METTL16: variants seen among roughly 807,000 people sequenced by gnomAD.
METTL16 encodes RNA N(6)-adenosine-methyltransferase METTL16.
In METTL16, 19 loss-of-function variants were observed where a neutral mutation model predicts 57.9. The observed-to-expected ratio is 0.33, with a 90% confidence interval of 0.23 to 0.48. METTL16 has a LOEUF of 0.48. Ranked by LOEUF, METTL16 falls within the 20% of genes least tolerant of loss-of-function variation. The pLI is 0.99. For missense variants in METTL16, 434 were observed against 691.5 expected (o/e 0.63, Z 4.18); for synonymous variants, 246 against 255.6 (o/e 0.96, Z 0.36).
At chr17:2,448,799 ATT>A (rs1555617300) in intron 6 of METTL16, among the ~76,000 whole-genome samples, 9,176 of 77,004 alleles carry the variant, frequency 0.12, 1,559 homozygotes, top group African/African-American at 0.43. Flanking sequence ...TAAAAATAAA[ATT>A]TAAAAAAAAA....
At chr17:2,445,055 T>C (rs1200309196) in intron 6 of METTL16, among the ~76,000 whole-genome samples, 1 of 152,142 alleles carries the variant, frequency 6.6e-6, no homozygotes, top group Non-Finnish European at 1.5e-5. Flanking sequence ...TTTCACCATG[T>C]TAGCCACAAT....
At chr17:2,425,924 T>G (rs372426518) in intron 8 of METTL16, among the ~76,000 whole-genome samples, 37 of 151,712 alleles carry the variant, frequency 2.4e-4, no homozygotes, top group African/African-American at 8.7e-4. Context: ...ATCTTCACTT[T>G]AATTTCTAAA....
intron 4 of METTL16, among the ~76,000 whole-genome samples, chr17:2,473,181 C>CA (rs370824411): frequency 5.9e-5 from 9 of 152,092 alleles, no homozygotes; most frequent in African/African-American, 2.2e-4. Flanking sequence ...AACAAACAAA[C>CA]AAAAAACCCC....
At chr17:2,486,897 G>A (rs535885447) in intron 2 of METTL16, among the ~76,000 whole-genome samples, 5 of 151,088 alleles carry the variant, frequency 3.3e-5, no homozygotes, top group South Asian at 4.2e-4. Flanking sequence ...GGAGTAGGGC[G>A]CGGTACTGAG....
At chr17:2,486,291 A>C (rs1367107194) in intron 2 of METTL16, among the ~76,000 whole-genome samples, 1 of 148,974 alleles carries the variant, frequency 6.7e-6, no homozygotes. Context: ...TTTTTTTTTG[A>C]GACAGAGTCT....
intron 2 of METTL16, 33 bp from the exon 3 acceptor site, chr17:2,477,918 T>C (rs760357762): frequency 6.4e-7 from 1 of 1,568,524 alleles, no homozygotes; most frequent in Non-Finnish European, 8.8e-7. Flanking sequence ...TAAAACTGAT[T>C]AGTAAGATTC....
chr17:2,495,035 G>A (rs969652099), intron 2 of METTL16, among the ~76,000 whole-genome samples: 6 of 151,378 alleles, frequency 4.0e-5, no homozygotes, highest in Middle Eastern at 3.4e-3. Context: ...AAAAGATTCA[G>A]CATTCTAGAT....
intron 2 of METTL16, among the ~76,000 whole-genome samples, chr17:2,494,483 A>G (rs1423890345): frequency 6.6e-6 from 1 of 152,182 alleles, no homozygotes; most frequent in Admixed American, 6.5e-5. Flanking sequence ...TTATGTCTCT[A>G]TGCCACATGT....
intron 2 of METTL16, among the ~76,000 whole-genome samples, chr17:2,479,915 G>A (rs1300244287): frequency 1.3e-5 from 2 of 152,100 alleles, no homozygotes; most frequent in South Asian, 2.1e-4. Context: ...GGCCGGGCAC[G>A]GTGGCTCACA....
chr17:2,480,957 C>T (rs568842275), intron 2 of METTL16, among the ~76,000 whole-genome samples: 1 of 152,284 alleles, frequency 6.6e-6, no homozygotes, highest in Admixed American at 6.5e-5. Flanking sequence ...AATCCCAACA[C>T]TTTGGGAGGC....
At chr17:2,445,746 A>G (rs2066990360) in intron 6 of METTL16, among the ~76,000 whole-genome samples, 1 of 151,830 alleles carries the variant, frequency 6.6e-6, no homozygotes. Flanking sequence ...AGATGGTGCC[A>G]CTCCACTCCA....
intron 3 of METTL16, among the ~76,000 whole-genome samples, chr17:2,477,220 A>C (rs1367457132): frequency 1.3e-5 from 2 of 152,084 alleles, no homozygotes; most frequent in African/African-American, 4.8e-5. Flanking sequence ...AAGCTATATA[A>C]ATAAGAGCCT....
intron 5 of METTL16, among the ~76,000 whole-genome samples, chr17:2,467,377 A>G (rs77018196): frequency 0.022 from 3,304 of 152,234 alleles, 56 homozygotes; most frequent in Non-Finnish European, 0.031. Context: ...ATAGTAAGTT[A>G]ATTTTTTAAA....
intron 1 of METTL16, among the ~76,000 whole-genome samples, chr17:2,507,682 A>T (rs552685715): frequency 2.4e-4 from 37 of 152,344 alleles, no homozygotes; most frequent in African/African-American, 7.7e-4. Flanking sequence ...TGTGGAATAG[A>T]AAAGGGGGAA....
chr17:2,438,111 G>A lies in METTL16; in HGVS notation c.886C>T (p.Pro296Ser). ...AWSFYDDVTV[P>S]SPPSKRRKLE... ...AGCGGAGCAAGGTCTGTACTTACTG[G>A]TACTGTGACATCATCATAAAAACTC... Residue 296 changes from proline (P) to serine (S), a missense_variant and splice_region_variant, in exon 8 of 10, where the codon CCA becomes TCA. This residue lies in a region of METTL16 where 96 missense variants were observed against 138.3 expected (regional missense o/e 0.69). Transcript: ENST00000263092. 6.2e-7 allele frequency: 1 copy of A among 1,610,544 alleles called. No individual in the cohort carries two copies. Among genetic ancestry groups the A allele is most frequent in the Non-Finnish European group, 8.5e-7 (1 of 1,176,930 alleles).
intron 4 of METTL16, among the ~76,000 whole-genome samples, chr17:2,471,718 G>A (rs1288901396): frequency 6.6e-6 from 1 of 152,078 alleles, no homozygotes; most frequent in Non-Finnish European, 1.5e-5. Context: ...AACCCAGCAG[G>A]CGGAGCTTGC....
intron 8 of METTL16, among the ~76,000 whole-genome samples, chr17:2,434,182 T>C (rs1306523557): frequency 6.6e-6 from 1 of 152,156 alleles, no homozygotes; most frequent in Non-Finnish European, 1.5e-5. Flanking sequence ...AGTACTGGTT[T>C]TCAAACTATT....
intron 4 of METTL16, among the ~76,000 whole-genome samples, chr17:2,471,596 T>G (rs2067235834): frequency 6.6e-6 from 1 of 152,054 alleles, no homozygotes; most frequent in East Asian, 1.9e-4. Flanking sequence ...GAGACCATCC[T>G]GGCTAACATA....
chr17:2,429,714 A>C (rs1230136371), intron 8 of METTL16, among the ~76,000 whole-genome samples: 1 of 152,052 alleles, frequency 6.6e-6, no homozygotes, highest in African/African-American at 2.4e-5. Flanking sequence ...CCTCCATACG[A>C]TAGTATATAC....
Sources: gnomAD v4.1 joint callset for allele counts (sites outside exome capture counted in the v4.1 genomes callset) on GRCh38, gnomAD v4.1.1 for gene constraint, gnomAD v4.1.1 regional missense constraint, MANE v1.5 for transcripts, NCBI Gene and HGNC (gene_info 2026-07-23, HGNC 2026-07-21) for gene names.